IL1RAPL2: variants seen among roughly 807,000 people sequenced by gnomAD.
IL1RAPL2 encodes X-linked interleukin-1 receptor accessory protein-like 2.
IL1RAPL2 carries 3 observed loss-of-function variants against 44.1 expected under a neutral mutation model. That is an observed-to-expected ratio of 0.07 (90% CI 0.03 to 0.18). IL1RAPL2 has a LOEUF of 0.18. IL1RAPL2 is among the 10% of genes least tolerant of loss of function. The pLI is 1.00. For missense variants in IL1RAPL2, 391 were observed against 496.4 expected, an observed-to-expected ratio of 0.79 and a Z score of 2.02; for synonymous variants, 181 against 178.8, an observed-to-expected ratio of 1.01 and a Z score of -0.10.
At chrX:105,549,570 G>T (rs1052788962) in intron 6 of IL1RAPL2, among the ~76,000 whole-genome samples, 3 of 111,448 alleles carry the variant, frequency 2.7e-5, no homozygotes, top group African/African-American at 9.8e-5. Flanking sequence ...ATGACTAAGT[G>T]TAATGGTGGT....
At chrX:104,613,836 G>C (rs1434775008) in intron 1 of IL1RAPL2, among the ~76,000 whole-genome samples, 2 of 94,735 alleles carry the variant, frequency 2.1e-5, no homozygotes, top group East Asian at 3.2e-4. Flanking sequence ...TTGGTTGGTA[G>C]GTTTTTATTT....
In IL1RAPL2 at chrX:104,627,308, T is replaced by G. The variant is rs1280722969; in HGVS notation, c.-19-31587T>G. Among the ~76,000 whole-genome samples the G allele has an allele frequency of 8.9e-5, 7 of 78,883 alleles. No homozygotes were observed. In the Admixed American group the frequency reaches 9.6e-4, roughly 11 times the overall value. 68.5% of individuals were successfully genotyped at this position (78,883 alleles called of 115,157 possible). A position where few individuals can be genotyped will look rare whatever the true frequency, so the allele number is the denominator to read the frequency against. On this transcript the variant is annotated intron_variant, in intron 1 of 10. Coordinates refer to ENST00000372582, the MANE Select transcript of IL1RAPL2 (RefSeq NM_017416.2). ...GATTTCCACATGGACACAGGAAGGG[T>G]AATATCACACTCCGGGGCCTGTTGT...
At chrX:105,047,451 A>G (rs2031855499) in intron 2 of IL1RAPL2, among the ~76,000 whole-genome samples, 1 of 111,710 alleles carries the variant, frequency 9.0e-6, no homozygotes, top group Non-Finnish European at 1.9e-5. Context: ...TTCACTTACT[A>G]TTATTTTGGC....
chrX:104,867,340 C>T (rs929418930), intron 2 of IL1RAPL2, among the ~76,000 whole-genome samples: 2 of 109,979 alleles, frequency 1.8e-5, no homozygotes, highest in Non-Finnish European at 1.9e-5. Flanking sequence ...GCGGTAGATA[C>T]GATGCAAGCT....
At chrX:104,572,252 T>A (rs1928162147) in intron 1 of IL1RAPL2, among the ~76,000 whole-genome samples, 1 of 111,811 alleles carries the variant, frequency 8.9e-6, no homozygotes, top group African/African-American at 3.3e-5. Context: ...AGGGATTTTA[T>A]TCTCTCCTCA....
At chrX:105,372,820 T>C (rs2035354203) in intron 5 of IL1RAPL2, among the ~76,000 whole-genome samples, 1 of 112,373 alleles carries the variant, frequency 8.9e-6, no homozygotes, top group African/African-American at 3.2e-5. Flanking sequence ...CATTCTTTTT[T>C]ATGGCTGCAT....
intron 2 of IL1RAPL2, among the ~76,000 whole-genome samples, chrX:105,058,796 TA>T (rs2032033536): frequency 8.9e-6 from 1 of 111,918 alleles, no homozygotes; most frequent in Admixed American, 9.5e-5. Context: ...AATTTTCTGT[TA>T]AATATGAACA....
chrX:105,435,922 G>A (rs949726204), intron 5 of IL1RAPL2, among the ~76,000 whole-genome samples: 1 of 111,246 alleles, frequency 9.0e-6, no homozygotes, highest in Admixed American at 9.6e-5. Flanking sequence ...AGAGCATCAG[G>A]ACAAATAGCT....
intron 5 of IL1RAPL2, among the ~76,000 whole-genome samples, chrX:105,413,145 G>A (rs1035478195): frequency 5.4e-5 from 6 of 111,482 alleles, no homozygotes; most frequent in African/African-American, 1.6e-4. Context: ...TCATAAGAAC[G>A]TATTGTTTTT....
intron 3 of IL1RAPL2, among the ~76,000 whole-genome samples, chrX:105,232,519 T>C (rs2034080109): frequency 1.8e-5 from 2 of 111,948 alleles, no homozygotes; most frequent in African/African-American, 6.5e-5. Context: ...AAAGTAAAAT[T>C]GAATACTCCA....
intron 2 of IL1RAPL2, among the ~76,000 whole-genome samples, chrX:104,929,575 A>C (rs1347166571): frequency 8.9e-6 from 1 of 111,807 alleles, no homozygotes; most frequent in Non-Finnish European, 1.9e-5. Context: ...TCACTGATTC[A>C]TCATTTTTTA....
chrX:105,562,417 T>C (rs1312219009), intron 6 of IL1RAPL2, among the ~76,000 whole-genome samples: 1 of 109,834 alleles, frequency 9.1e-6, no homozygotes, highest in Non-Finnish European at 1.9e-5. Flanking sequence ...GTGATAGATA[T>C]ATTAACTAGT....
At chrX:104,953,096 C>A (rs767132377) in intron 2 of IL1RAPL2, among the ~76,000 whole-genome samples, 1 of 111,492 alleles carries the variant, frequency 9.0e-6, no homozygotes, top group African/African-American at 3.2e-5. Flanking sequence ...TCTTCAACAA[C>A]TCCAACATTG....
chrX:105,395,387 A>G (rs1190317462), intron 5 of IL1RAPL2, among the ~76,000 whole-genome samples: 1 of 110,541 alleles, frequency 9.0e-6, no homozygotes, highest in African/African-American at 3.3e-5. Flanking sequence ...ATTAAAAAAA[A>G]AGAAAAGAAG....
intron 2 of IL1RAPL2, among the ~76,000 whole-genome samples, chrX:105,129,237 G>C (rs192671186): frequency 1.8e-5 from 2 of 110,499 alleles, no homozygotes; most frequent in East Asian, 5.8e-4. Context: ...GGTCTGGTGA[G>C]GGCTTGCTCT....
intron 2 of IL1RAPL2, among the ~76,000 whole-genome samples, chrX:104,753,408 C>A (rs1398837106): frequency 9.0e-6 from 1 of 111,012 alleles, no homozygotes; most frequent in East Asian, 2.8e-4. Flanking sequence ...GATCACCAAA[C>A]CAAGTATGGG....
At chrX:104,985,520 T>C (rs192869277) in intron 2 of IL1RAPL2, among the ~76,000 whole-genome samples, 1 of 112,239 alleles carries the variant, frequency 8.9e-6, no homozygotes, top group Admixed American at 9.5e-5. Context: ...CATAGCTAAA[T>C]TGAGTAAGTA....
chrX:104,608,103 A>G (rs1316913060), intron 1 of IL1RAPL2, among the ~76,000 whole-genome samples: 2 of 111,193 alleles, frequency 1.8e-5, no homozygotes, highest in African/African-American at 6.5e-5. Context: ...GCAGAAAACC[A>G]TCATTCTCAG....
intron 2 of IL1RAPL2, among the ~76,000 whole-genome samples, chrX:104,702,446 C>CA (rs1467468068): frequency 1.4e-4 from 16 of 111,624 alleles, no homozygotes; most frequent in Non-Finnish European, 2.8e-4. Flanking sequence ...GTTTTTACAA[C>CA]AAAAAACATA....
Sources: gnomAD v4.1 joint callset for allele counts (sites outside exome capture counted in the v4.1 genomes callset) on GRCh38, gnomAD v4.1.1 for gene constraint, MANE v1.5 for transcripts, NCBI Gene and HGNC (gene_info 2026-07-23, HGNC 2026-07-21) for gene names.